Variants in R3HDM2 observed in about 807,000 individuals in gnomAD.
R3HDM2 encodes the protein R3H domain containing 2.
In R3HDM2, 38 loss-of-function variants were observed where a neutral mutation model predicts 124.5. That is an observed-to-expected ratio of 0.31 (90% CI 0.24 to 0.40). R3HDM2 has a LOEUF of 0.40. Among genes scored for constraint, R3HDM2 ranks in the 10% least tolerant of loss-of-function variants. The pLI is 1.00. For synonymous variants in R3HDM2, 391 were observed against 448.0 expected, an observed-to-expected ratio of 0.87 and a Z score of 1.61; for missense variants, 869 against 1,236.9, an observed-to-expected ratio of 0.70 and a Z score of 4.46.
chr12:57,265,110 C>A (rs2042003634), intron 19 of R3HDM2, among the ~76,000 whole-genome samples: 1 of 152,104 alleles, frequency 6.6e-6, no homozygotes, highest in Non-Finnish European at 1.5e-5. Flanking sequence ...GGGCCCTTAG[C>A]TGTGTAACAT....
rs2043206658 is a variant in R3HDM2 at position 57,269,865 on chromosome 12, T to G, written c.1474A>C (p.Ile492Leu). ...AGGGGCTGACCCGTGGAAGCCATGA[T>G]GAAGCTAGTCTGCTGAGGGTGCTGG... is the stretch of plus-strand genomic sequence containing the variant. ...ISQHPQQTSF[I>L]MASTGQPLPT... The change falls in exon 15 of 24, where the codon ATC becomes CTC. Residue 492 changes from isoleucine to leucine, a missense_variant. Physicochemically the swap from Ile to Leu is conservative, Grantham distance 5. Coordinates refer to ENST00000402412, the MANE Select transcript of R3HDM2 (RefSeq NM_001394031.1). 6.2e-7 allele frequency: 1 copy of G among 1,614,022 alleles called. No homozygotes were observed. Among genetic ancestry groups the G allele is most frequent in the Non-Finnish European group, 8.5e-7 (1 of 1,180,024 alleles).
intron 14 of R3HDM2, 72 bp downstream of exon 14, chr12:57,280,286 G>A: frequency 6.8e-7 from 1 of 1,466,234 alleles, no homozygotes; most frequent in Non-Finnish European, 9.2e-7. Context: ...CACAGCACAA[G>A]AGACATGACG....
intron 2 of R3HDM2, among the ~76,000 whole-genome samples, chr12:57,360,477 A>T (rs1035552466): frequency 4.6e-5 from 7 of 151,744 alleles, no homozygotes; most frequent in South Asian, 2.1e-4. Flanking sequence ...TCTAAAAAAA[A>T]TTTTTTTTTA....
chr12:57,363,602 T>C (rs1388425395), intron 2 of R3HDM2, among the ~76,000 whole-genome samples: 1 of 152,192 alleles, frequency 6.6e-6, no homozygotes, highest in Non-Finnish European at 1.5e-5. Flanking sequence ...AACAAAATAA[T>C]AAAATTTGAG....
At chr12:57,399,688 A>C (rs1055547040) in intron 1 of R3HDM2, among the ~76,000 whole-genome samples, 2 of 152,204 alleles carry the variant, frequency 1.3e-5, no homozygotes, top group Non-Finnish European at 2.9e-5. Flanking sequence ...AGATCCTAAC[A>C]ACTGGTAACA....
In R3HDM2 at chr12:57,284,017, G is replaced by A. The variant is rs532554131; in HGVS notation, c.978C>T (p.Arg326=). 1.9e-6 allele frequency: 3 copies of A among 1,612,666 alleles called. No individual in the cohort carries two copies. The South Asian group carries it at 3.3e-5, about 18-fold the overall frequency. ...REGLSRTSSS[R]QSSTDSELKS... is the part of the protein sequence containing the mutation. ...TGAGTTCGCTGTCTGTGCTGCTCTG[G>A]CGGCTGCTTGAGGTGCGGCTCAGTC... The change falls in exon 13 of 24, where the codon CGC becomes CGT. Residue 326 remains arginine (R), a synonymous_variant. Transcript: ENST00000402412.
intron 2 of R3HDM2, among the ~76,000 whole-genome samples, chr12:57,361,144 A>G (rs983496595): frequency 1.1e-4 from 16 of 151,526 alleles, no homozygotes; most frequent in Non-Finnish European, 1.6e-4. Context: ...GGGAGGCCGA[A>G]GTGGGCAGAT....
intron 1 of R3HDM2, among the ~76,000 whole-genome samples, chr12:57,404,383 C>T (rs2068330764): frequency 6.8e-6 from 1 of 146,884 alleles, no homozygotes; most frequent in Non-Finnish European, 1.5e-5. Flanking sequence ...TAATTTTTAA[C>T]TATAGGTTCA....
At position 57,280,473 on chromosome 12, in the gene R3HDM2, C is replaced by T. The variant is rs199703593; in HGVS notation, c.1229G>A (p.Arg410Gln). 1.1e-5 allele frequency: 18 copies of T among 1,613,894 alleles called. No individual in the cohort carries two copies. In the East Asian group the frequency reaches 2.5e-4, roughly 22 times the overall value. ...CNQVTSSQSV[R>Q]GLLPCTAQQQ... ...CTGGGCAGTACAAGGGAGAAGCCCC[C>T]GGACAGACTGGGATGAGGTGACCTG... is the stretch of plus-strand genomic sequence containing the variant. Residue 410 changes from arginine (R) to glutamine (Q), a missense_variant, in exon 14 of 24, where the codon CGG becomes CAG. Transcript: ENST00000402412.
intron 1 of R3HDM2, among the ~76,000 whole-genome samples, chr12:57,412,517 G>A (rs148587025): frequency 6.6e-6 from 1 of 152,136 alleles, no homozygotes; most frequent in East Asian, 1.9e-4. Context: ...ACTCCAGCCT[G>A]GGCAACAGAG....
intron 2 of R3HDM2, among the ~76,000 whole-genome samples, chr12:57,381,808 TAG>T (rs377725699): frequency 5.4e-5 from 8 of 149,016 alleles, no homozygotes; most frequent in African/African-American, 9.9e-5. Context: ...GGGATAGAGA[TAG>T]AGAGAGAGAG....
intron 2 of R3HDM2, among the ~76,000 whole-genome samples, chr12:57,386,689 C>A (rs1027466274): frequency 6.6e-6 from 1 of 152,226 alleles, no homozygotes; most frequent in South Asian, 2.1e-4. Flanking sequence ...GCTCCACCTG[C>A]AGCCCCAGTG....
In R3HDM2 at chr12:57,392,027, G is replaced by A. The variant is rs560211201; in HGVS notation, c.-36+3722C>T. Among the ~76,000 whole-genome samples the A allele has an allele frequency of 1.3e-3, 204 of 152,304 alleles. 1 individual carries two copies. Among genetic ancestry groups the A allele is most frequent in the African/African-American group, 4.7e-3 (194 of 41,574 alleles). On this transcript the variant is annotated intron_variant, in intron 2 of 23. Transcript: ENST00000402412. ...AAATACAAAAAATTAGCCAGGTGTG[G>A]TGGTGGGCACCTGTAATCCCAGCAA... is the stretch of plus-strand genomic sequence containing the variant.
In R3HDM2 at chr12:57,254,268, AG is replaced by A. The variant is rs1274818718; in HGVS notation, c.*504del. The stretch of plus-strand genomic sequence containing the variant: ...GTAATCCCAGCACTCTGGAAGGCCA[AG>A]GCAGGTGGATCACCTGAGGTCAGGA... On this transcript the variant is annotated 3_prime_UTR_variant, in exon 24 of 24. Transcript: ENST00000402412. The A allele has an allele frequency of 2.2e-6, 1 of 452,284 alleles. No homozygotes were observed. The highest frequency in any genetic ancestry group is 2.4e-5 in the Admixed American group (1 of 41,908). 28.0% of individuals were successfully genotyped at this position (452,284 alleles called of 1,614,324 possible).
intron 1 of R3HDM2, among the ~76,000 whole-genome samples, chr12:57,429,439 C>G (rs937890342): frequency 6.6e-6 from 1 of 152,204 alleles, no homozygotes; most frequent in Non-Finnish European, 1.5e-5. Flanking sequence ...ACTATTTAAA[C>G]TTTTTGTCTT....
rs552999238 is a variant in R3HDM2, at chr12:57,283,607, C to A, written c.1171+217G>T. On this transcript the variant is annotated intron_variant, in intron 13 of 23. Transcript: ENST00000402412. Reference sequence around the variant, plus strand: ...TACAAAAATTAGTCAGGTGTGGTGGCGCATGCCTGTAATCCCAGCTATTCA... The same window carrying A: ...TACAAAAATTAGTCAGGTGTGGTGGAGCATGCCTGTAATCCCAGCTATTCA... 2.0e-5 allele frequency among the ~76,000 whole-genome samples: 3 copies of A among 152,128 alleles called. No homozygotes were observed. In the South Asian group the frequency reaches 6.2e-4, roughly 32 times the overall value.
At chr12:57,396,449 A>G (rs1386280990) in intron 1 of R3HDM2, among the ~76,000 whole-genome samples, 1 of 150,670 alleles carries the variant, frequency 6.6e-6, no homozygotes, top group African/African-American at 2.4e-5. Context: ...TCAAAAAAAT[A>G]AATAAATAAA....
intron 2 of R3HDM2, among the ~76,000 whole-genome samples, chr12:57,348,947 T>C (rs1047972571): frequency 1.1e-4 from 16 of 152,174 alleles, no homozygotes; most frequent in African/African-American, 3.9e-4. Flanking sequence ...TTTTCATTTA[T>C]GTGTGAATTT....
intron 15 of R3HDM2, 56 bp from the exon 16 acceptor site, chr12:57,269,505 A>T: frequency 6.3e-7 from 1 of 1,595,770 alleles, no homozygotes; most frequent in South Asian, 1.1e-5. Context: ...CCGCAACATC[A>T]GCATACTACT....
Sources: allele counts gnomAD v4.1 joint callset (sites outside exome capture counted in the v4.1 genomes callset), GRCh38; gene constraint gnomAD v4.1.1; transcripts MANE v1.5; gene names NCBI Gene and HGNC (gene_info 2026-07-23, HGNC 2026-07-21).